Variants in LAMA2 observed in about 807,000 individuals in gnomAD.
LAMA2 encodes laminin subunit alpha-2.
Under a neutral mutation model 364.8 loss-of-function variants are expected in LAMA2, and 269 were observed. The observed-to-expected ratio is 0.74, with a 90% CI of 0.67 to 0.82. LAMA2 has a LOEUF of 0.82. Ranked by LOEUF, LAMA2 falls within the 40% of genes least tolerant of loss-of-function variation. The pLI is 0.00. For synonymous variants in LAMA2, 1,379 were observed against 1,370.6 expected, an observed-to-expected ratio of 1.01 and a Z score of -0.14; for missense variants, 3,807 against 3,873.2, an observed-to-expected ratio of 0.98 and a Z score of 0.45.
chr6:129,277,625 A>G (rs1162672233), intron 17 of LAMA2, among the ~76,000 whole-genome samples: 8 of 152,176 alleles, frequency 5.3e-5, no homozygotes, highest in Non-Finnish European at 1.0e-4. Flanking sequence ...TTAAGAATCT[A>G]AAGTCCTAGA....
At chr6:129,346,375 C>T (rs1204749722) in intron 30 of LAMA2, among the ~76,000 whole-genome samples, 2 of 152,174 alleles carry the variant, frequency 1.3e-5, no homozygotes, top group Non-Finnish European at 2.9e-5. Flanking sequence ...TTTTCAAACC[C>T]TACCTCTGCC....
intron 64 of LAMA2, among the ~76,000 whole-genome samples, chr6:129,515,582 A>T (rs1478366064): frequency 6.6e-6 from 1 of 152,084 alleles, no homozygotes; most frequent in African/African-American, 2.4e-5. Context: ...TTAGGGATTT[A>T]TTTTTACAAT....
intron 18 of LAMA2, 57 bp downstream of exon 18, chr6:129,280,204 C>A (rs1411114565): frequency 1.8e-6 from 2 of 1,081,824 alleles, no homozygotes; most frequent in African/African-American, 3.1e-5. Flanking sequence ...GTTATAAAAC[C>A]GCAGATACAA....
chr6:129,264,798 C>T (rs1458300023), intron 15 of LAMA2, among the ~76,000 whole-genome samples: 1 of 152,020 alleles, frequency 6.6e-6, no homozygotes. Context: ...AATTGTCCAT[C>T]GAATTTGGCT....
intron 1 of LAMA2, among the ~76,000 whole-genome samples, chr6:128,902,315 A>C (rs1404300061): frequency 6.6e-6 from 1 of 152,200 alleles, no homozygotes; most frequent in East Asian, 1.9e-4. Context: ...CCCTTTAAAT[A>C]TTTCCAGTTG....
At chr6:129,449,441 CT>C (rs1413045515) in intron 45 of LAMA2, among the ~76,000 whole-genome samples, 2 of 152,112 alleles carry the variant, frequency 1.3e-5, no homozygotes, top group East Asian at 1.9e-4. Flanking sequence ...GCTCTCACCC[CT>C]GTAAGCCTTT....
At chr6:128,985,222 G>A (rs935752340) in intron 1 of LAMA2, among the ~76,000 whole-genome samples, 1 of 152,094 alleles carries the variant, frequency 6.6e-6, no homozygotes, top group Non-Finnish European at 1.5e-5. Context: ...TAGCTTCCTG[G>A]TCTCTTTTGA....
intron 1 of LAMA2, among the ~76,000 whole-genome samples, chr6:128,948,077 T>C (rs1396827492): frequency 3.9e-5 from 6 of 152,108 alleles, no homozygotes; most frequent in African/African-American, 1.2e-4. Context: ...CCTGTGTATG[T>C]AGCCTAAATT....
chr6:129,252,368 G>C (rs964585543), intron 14 of LAMA2, 73 bp downstream of exon 14: 6 of 1,175,460 alleles, frequency 5.1e-6, no homozygotes, highest in African/African-American at 1.5e-5. Flanking sequence ...CGCCCCAGGA[G>C]TGAATTTTTT....
intron 40 of LAMA2, among the ~76,000 whole-genome samples, chr6:129,426,318 C>G (rs1781322230): frequency 6.6e-6 from 1 of 152,100 alleles, no homozygotes; most frequent in African/African-American, 2.4e-5. Flanking sequence ...AATTTCCTGT[C>G]TCTAAATTGT....
chr6:128,904,384 C>A (rs539724174), intron 1 of LAMA2, among the ~76,000 whole-genome samples: 1 of 150,858 alleles, frequency 6.6e-6, no homozygotes, highest in South Asian at 2.1e-4. Flanking sequence ...TTTCCTTTGT[C>A]TCTATCTCCC....
chr6:129,251,070 C>CTATATATA (rs1786184240), intron 13 of LAMA2, among the ~76,000 whole-genome samples: 2 of 67,622 alleles, frequency 3.0e-5, no homozygotes, highest in Admixed American at 1.8e-4. Context: ...CTCTCTCTCT[C>CTATATATA]TCTCTCTATA....
intron 34 of LAMA2, among the ~76,000 whole-genome samples, chr6:129,371,434 T>C (rs1052290113): frequency 2.6e-5 from 4 of 152,176 alleles, no homozygotes; most frequent in Non-Finnish European, 5.9e-5. Context: ...AAAAATTTCA[T>C]GTAATAAATG....
intron 29 of LAMA2, among the ~76,000 whole-genome samples, chr6:129,336,913 A>G (rs1006700344): frequency 6.6e-6 from 1 of 152,256 alleles, no homozygotes; most frequent in African/African-American, 2.4e-5. Context: ...TAAAGCTGAA[A>G]GTATTATCTA....
In LAMA2 at chr6:129,465,843, T is replaced by G. The variant is rs142591459; in HGVS notation, c.7300+554T>G. On this transcript the variant is annotated intron_variant, in intron 51 of 64. Transcript: ENST00000421865. ...TGTTCCAGTGTTAGAGAAAGTAAAATATACACTCAAACTTTTATGTGGTCA... is the reference window on the plus strand; with the variant it reads ...TGTTCCAGTGTTAGAGAAAGTAAAAGATACACTCAAACTTTTATGTGGTCA... 1.4e-3 allele frequency among the ~76,000 whole-genome samples: 211 copies of G among 152,060 alleles called. 1 individual carries two copies. The highest frequency in any genetic ancestry group is 4.9e-3 in the African/African-American group (202 of 41,550).
At chr6:129,118,472 A>G (rs1012995490) in intron 4 of LAMA2, among the ~76,000 whole-genome samples, 1 of 152,176 alleles carries the variant, frequency 6.6e-6, no homozygotes, top group African/African-American at 2.4e-5. Flanking sequence ...ATATGTGCAT[A>G]TCCTTGGAGA....
chr6:129,304,313 C>T (rs750116306), intron 22 of LAMA2, among the ~76,000 whole-genome samples: 4 of 152,030 alleles, frequency 2.6e-5, no homozygotes, highest in Non-Finnish European at 5.9e-5. Context: ...CCCCCAGGCT[C>T]GAGTGCAGTG....
chr6:129,488,105 C>T (rs887320097), intron 56 of LAMA2, among the ~76,000 whole-genome samples: 5 of 152,182 alleles, frequency 3.3e-5, no homozygotes, highest in East Asian at 3.9e-4. Flanking sequence ...GTCAGGAGTT[C>T]GAGACCAGCC....
intron 27 of LAMA2, among the ~76,000 whole-genome samples, 173 bp from the exon 28 acceptor site, chr6:129,320,365 G>T (rs12201387): frequency 6.6e-6 from 1 of 151,908 alleles, no homozygotes; most frequent in African/African-American, 2.4e-5. Flanking sequence ...AGCCCATATT[G>T]TTCAAGGGTC....
Sources: gnomAD v4.1 joint callset for allele counts (sites outside exome capture counted in the v4.1 genomes callset) on GRCh38, gnomAD v4.1.1 for gene constraint, MANE v1.5 for transcripts, NCBI Gene and HGNC (gene_info 2026-07-23, HGNC 2026-07-21) for gene names.